CELSR2: variants seen among roughly 807,000 people sequenced by gnomAD.
CELSR2 encodes the protein cadherin EGF LAG seven-pass G-type receptor 2, also known as EGF-like protein 2.
In CELSR2, 81 loss-of-function variants were observed where a neutral mutation model predicts 251.6. The ratio of observed to expected loss-of-function variants is 0.32; its 90% CI spans 0.27 to 0.39. The LOEUF (loss-of-function observed/expected upper bound fraction) is 0.39, where lower values mean the gene tolerates loss of function less well. Ranked by LOEUF, CELSR2 falls within the 10% of genes least tolerant of loss-of-function variation. CELSR2 has a pLI of 1.00. For synonymous variants in CELSR2, 1,721 were observed against 1,670.5 expected, an observed-to-expected ratio of 1.03 and a Z score of -0.74; for missense variants, 3,365 against 3,947.7, an observed-to-expected ratio of 0.85 and a Z score of 3.96.
intron 12 of CELSR2, 71 bp downstream of exon 12, chr1:109,265,080 C>T: frequency 6.2e-7 from 1 of 1,602,202 alleles, no homozygotes; most frequent in Non-Finnish European, 8.5e-7. Flanking sequence ...CCCTCAGAGC[C>T]CCGAAAGCCT....
At position 109,265,862 on chromosome 1, in the gene CELSR2, G is replaced by A. The variant is rs371790513; in HGVS notation, c.5855G>A (p.Arg1952His). ...CCATGCAAGCCAGGTGTCATCGGGCGTCAGTGTGACCGCTGTGACAACCCT... is the reference window on the plus strand; with the variant it reads ...CCATGCAAGCCAGGTGTCATCGGGCATCAGTGTGACCGCTGTGACAACCCT... ...QCPCKPGVIGRQCDRCDNPFA... is the reference protein window; with the variant it reads ...QCPCKPGVIGHQCDRCDNPFA... Residue 1952 changes from arginine (R) to histidine (H), a missense_variant, in exon 14 of 34, where the codon CGT becomes CAT. Physicochemically the swap from Arg to His is conservative, Grantham distance 29. Transcript: ENST00000271332. 7.7e-5 allele frequency: 124 copies of A among 1,614,102 alleles called. No individual in the cohort carries two copies. The East Asian group carries it at 1.6e-3, about 20-fold the overall frequency.
In CELSR2 at chr1:109,253,023, G is replaced by A; in HGVS notation, c.2944G>A (p.Val982Ile). The A allele has an allele frequency of 6.2e-7, 1 of 1,613,476 alleles. No homozygotes were observed. ...CTTCTCCGGGGAGCTGACAGCCCTG[G>A]TAGACTTAGACTACGAGGACCGGCC... ...DIFSGELTAL[V>I]DLDYEDRPEY... The change falls in exon 1 of 34, where the codon GTA becomes ATA. Residue 982 changes from valine (V) to isoleucine (I), a missense_variant. This residue lies in a region of CELSR2 where 505 missense variants were observed against 660.0 expected (regional missense o/e 0.77). Coordinates refer to ENST00000271332, the MANE Select transcript of CELSR2 (RefSeq NM_001408.3).
chr1:109,266,020 G>C, intron 14 of CELSR2, 85 bp from the exon 15 acceptor site: 1 of 1,585,726 alleles, frequency 6.3e-7, no homozygotes, highest in Non-Finnish European at 8.6e-7. Context: ...GGGGAGGCCT[G>C]GGGAGGCCTA....
chr1:109,269,310 G>A lies in CELSR2; in HGVS notation c.6812+20G>A. The A allele has an allele frequency of 6.2e-7, 1 of 1,612,808 alleles. No homozygotes were observed. Among genetic ancestry groups the A allele is most frequent in the Non-Finnish European group, 8.5e-7 (1 of 1,179,842 alleles). On this transcript the variant is annotated intron_variant, in intron 20 of 33. Coordinates refer to ENST00000271332, the MANE Select transcript of CELSR2 (RefSeq NM_001408.3). This position sits in a 1 kb window ranked among gnomAD's most constrained non-coding sequence, Gnocchi z 6.4. ...CTTGAGGTCAGCAGCTAGGGGACAG[G>A]TGTGGGTAGGGGTATGGGTCGGGCG...
rs1656157933 is a variant in CELSR2, at chr1:109,265,398, G to GT, written c.5727+88dup. ...CCTAGAGGGCAGGCTGTAGGGATGGGTCTTCCTGTAGAGCTGAGGGCCTTG... is the reference window on the plus strand; with the variant it reads ...CCTAGAGGGCAGGCTGTAGGGATGGGTTCTTCCTGTAGAGCTGAGGGCCTTG... On this transcript the variant is annotated intron_variant, in intron 13 of 33. Coordinates refer to ENST00000271332, the MANE Select transcript of CELSR2 (RefSeq NM_001408.3). 9.9e-6 allele frequency: 14 copies of GT among 1,413,654 alleles called. No homozygotes were observed. In the South Asian group the frequency reaches 1.8e-4, roughly 18 times the overall value. 87.6% of individuals were successfully genotyped at this position (1,413,654 alleles called of 1,614,324 possible). A position where few individuals can be genotyped will look rare whatever the true frequency, so the allele number is the denominator to read the frequency against.
intron 16 of CELSR2, 71 bp downstream of exon 16, chr1:109,267,713 C>T (rs576132228): frequency 1.9e-6 from 3 of 1,571,696 alleles, no homozygotes; most frequent in South Asian, 2.3e-5. Context: ...CCACTCCCAT[C>T]TTTGAGAACG....
chr1:109,268,519 T>C, intron 17 of CELSR2, 62 bp from the exon 18 acceptor site: 1 of 1,534,040 alleles, frequency 6.5e-7, no homozygotes. Context: ...AGGCCGGGGC[T>C]CCATGGTGGG....
chr1:109,249,954 G>A lies in CELSR2; in HGVS notation c.-126G>A. 1 of 908,622 alleles carries A rather than the reference G, an allele frequency of 1.1e-6. No individual in the cohort carries two copies. The highest frequency in any genetic ancestry group is 1.4e-6 in the Non-Finnish European group (1 of 714,920). The allele number at this position is 908,622 out of a possible 1,614,324, so 56.3% of individuals were successfully genotyped here. A position where few individuals can be genotyped will look rare whatever the true frequency, so the allele number is the denominator to read the frequency against. ...CGAGCCATCCAGACGCAGGCCCCGC[G>A]GGGCGCACGGGAGGCCCCCGGGGAC... On this transcript the variant is annotated 5_prime_UTR_variant, in exon 1 of 34. Transcript: ENST00000271332.
chr1:109,261,644 C>A lies in CELSR2; in HGVS notation c.4297+16C>A, dbSNP rs199545432. The A allele has an allele frequency of 9.7e-4, 1,555 of 1,603,910 alleles. 1 individual carries two copies. Among genetic ancestry groups the A allele is most frequent in the Non-Finnish European group, 1.2e-3 (1,455 of 1,170,636 alleles). ...TTCTCTGCAGGTGATCACAGTTGCC[C>A]CCCATCCTTGCCCATCTTCCAAAGG... is the stretch of plus-strand genomic sequence containing the variant. On this transcript the variant is annotated intron_variant, in intron 4 of 33. Transcript: ENST00000271332. The surrounding 1 kb of genome is among the most constrained non-coding windows in gnomAD (Gnocchi z 4.8).
At chr1:109,267,276 G>A (rs535764305) in intron 15 of CELSR2, among the ~76,000 whole-genome samples, 6 of 152,256 alleles carry the variant, frequency 3.9e-5, no homozygotes, top group South Asian at 2.1e-4. Context: ...AGGAAGTGGC[G>A]GAGAGCACAA....
chr1:109,252,601 A>G lies in CELSR2; in HGVS notation c.2522A>G (p.Asp841Gly). ...AGCGTCCTGCAGATCTCAGCCACTG[A>G]TCGTGATTCTGGACTTAATGGCAGG... ...FTSVLQISAT[D>G]RDSGLNGRVF... The change falls in exon 1 of 34, where the codon GAT (aspartate) becomes GGT (glycine). Residue 841 changes from aspartate to glycine, a missense_variant. By Grantham distance (94) the Asp-to-Gly change is moderately conservative (BLOSUM62 -1). Transcript: ENST00000271332. This position sits in a 1 kb window ranked among gnomAD's most constrained non-coding sequence, Gnocchi z 4.8. 2 of 1,613,874 alleles carry G rather than the reference A, an allele frequency of 1.2e-6. No homozygotes were observed. Among genetic ancestry groups the G allele is most frequent in the Non-Finnish European group, 1.7e-6 (2 of 1,180,036 alleles).
chr1:109,253,129 A>G lies in CELSR2; in HGVS notation c.3050A>G (p.Asn1017Ser). Residue 1017 changes from asparagine to serine, a missense_variant, in exon 1 of 34, where the codon AAT (asparagine) becomes AGT (serine). By Grantham distance (46) the Asn-to-Ser change is conservative. Transcript: ENST00000271332. ...GTCCACGTCCGCCTCCTTGACCGCAATGACAACCCACCAGTGCTGGGCAAC... is the reference window on the plus strand; with the variant it reads ...GTCCACGTCCGCCTCCTTGACCGCAGTGACAACCCACCAGTGCTGGGCAAC... ...ATVHVRLLDR[N>S]DNPPVLGNFE... is the part of the protein sequence containing the mutation. The G allele has an allele frequency of 1.2e-6, 2 of 1,613,804 alleles. No individual in the cohort carries two copies. Among genetic ancestry groups the G allele is most frequent in the Non-Finnish European group, 1.7e-6 (2 of 1,180,026 alleles).
At position 109,274,401 on chromosome 1, in the gene CELSR2, T is replaced by C; in HGVS notation, c.*352T>C. The C allele has an allele frequency of 2.8e-6, 1 of 354,668 alleles. No homozygotes were observed. 22.0% of individuals were successfully genotyped at this position (354,668 alleles called of 1,614,324 possible). ...TTTATACGCTGGAAATTGACTCCCC[T>C]TTCCCTTCCCAAAGAGGATAGGACC... On this transcript the variant is annotated 3_prime_UTR_variant, in exon 34 of 34. Transcript: ENST00000271332.
chr1:109,257,518 C>G (rs548806571), intron 1 of CELSR2, among the ~76,000 whole-genome samples: 21 of 152,196 alleles, frequency 1.4e-4, no homozygotes, highest in Admixed American at 1.2e-3. Context: ...AATGAGACAC[C>G]AGCAAGTGTG....
intron 10 of CELSR2, 24 bp from the exon 11 acceptor site, chr1:109,264,430 C>T: frequency 6.3e-7 from 1 of 1,597,532 alleles, no homozygotes; most frequent in Non-Finnish European, 8.6e-7. Flanking sequence ...CCACTGAGGG[C>T]AACACTGCTC....
At chr1:109,270,724 C>T in intron 24 of CELSR2, 124 bp downstream of exon 24, 2 of 1,278,904 alleles carry the variant, frequency 1.6e-6, no homozygotes, top group Middle Eastern at 1.9e-4. Context: ...GCCTTATTCA[C>T]AGGTGTCCCT....
chr1:109,255,734 T>A (rs1207825977), intron 1 of CELSR2, among the ~76,000 whole-genome samples: 1 of 152,180 alleles, frequency 6.6e-6, no homozygotes, highest in Non-Finnish European at 1.5e-5. Flanking sequence ...GGCAACGTAC[T>A]CCCCACCCCT....
chr1:109,263,247 G>A lies in CELSR2; in HGVS notation c.4814G>A (p.Gly1605Glu), dbSNP rs1218239033. 16 of 1,584,728 alleles carry A rather than the reference G, an allele frequency of 1.0e-5. No individual in the cohort carries two copies. In the Admixed American group the frequency reaches 2.7e-4, roughly 27 times the overall value. The change falls in exon 8 of 34, where the codon GGG becomes GAG. Residue 1605 changes from glycine (G) to glutamate (E), a missense_variant. By Grantham distance (98) the Gly-to-Glu change is moderately conservative. This residue lies in a region of CELSR2 where 2,093 missense variants were observed against 2,382.8 expected (regional missense o/e 0.88). Transcript: ENST00000271332. Reference sequence around the variant, plus strand: ...AGCTGCGAGTGCCCCCTGGGCTTTGGGGGCAAGAGCTGCGCCCAGGGTAGG... The same window carrying A: ...AGCTGCGAGTGCCCCCTGGGCTTTGAGGGCAAGAGCTGCGCCCAGGGTAGG... Reference protein sequence around the residue: ...AFSCECPLGFGGKSCAQEMAN... With the variant: ...AFSCECPLGFEGKSCAQEMAN...
chr1:109,261,509 T>G lies in CELSR2; in HGVS notation c.4182-4T>G, dbSNP rs778871793. ...CCCTGCCCCCATCCCCAACTCCTGT[T>G]CAGGTTTGCCACAAAGGAGCGCGAC... On this transcript the variant is annotated splice_region_variant and splice_polypyrimidine_tract_variant and intron_variant, in intron 3 of 33. Coordinates refer to ENST00000271332, the MANE Select transcript of CELSR2 (RefSeq NM_001408.3). The surrounding 1 kb of genome is among the most constrained non-coding windows in gnomAD (Gnocchi z 4.8). The G allele has an allele frequency of 3.1e-6, 5 of 1,613,674 alleles. No homozygotes were observed. Among genetic ancestry groups the G allele is most frequent in the Non-Finnish European group, 4.2e-6 (5 of 1,179,598 alleles).
Sources: allele counts gnomAD v4.1 joint callset (sites outside exome capture counted in the v4.1 genomes callset), GRCh38; gene constraint gnomAD v4.1.1; regional missense constraint gnomAD v4.1.1; non-coding constraint Gnocchi (gnomAD v3.1); transcripts MANE v1.5; gene names NCBI Gene and HGNC (gene_info 2026-07-23, HGNC 2026-07-21).